Variants in AGFG1 observed in about 807,000 individuals in gnomAD.
AGFG1 encodes the protein ArfGAP with FG repeats 1, also known as arf-GAP domain and FG repeat-containing protein 1.
AGFG1 carries 10 observed loss-of-function variants against 60.6 expected under a neutral mutation model. The ratio of observed to expected loss-of-function variants is 0.16; its 90% CI spans 0.10 to 0.28. AGFG1 has a LOEUF of 0.28. AGFG1 is among the 10% of genes least tolerant of loss of function. The probability of loss-of-function intolerance (pLI) is 1.00; values close to 1 mark genes in which losing one functional copy is unlikely to be tolerated. For missense variants in AGFG1, 537 were observed against 676.5 expected (o/e 0.79, Z 2.29); for synonymous variants, 247 against 242.9 (o/e 1.02, Z -0.16).
chr2:227,544,574 C>A (rs1257411671), intron 10 of AGFG1, among the ~76,000 whole-genome samples: 3 of 152,120 alleles, frequency 2.0e-5, no homozygotes, highest in African/African-American at 7.2e-5. Flanking sequence ...TACAGTTTGG[C>A]ATGTTTTTGC....
At chr2:227,548,577 G>T (rs996001795) in intron 10 of AGFG1, among the ~76,000 whole-genome samples, 1 of 152,204 alleles carries the variant, frequency 6.6e-6, no homozygotes, top group East Asian at 1.9e-4. Flanking sequence ...GAGAAATGCT[G>T]GAATAAACAC....
intron 1 of AGFG1, among the ~76,000 whole-genome samples, chr2:227,473,651 GTA>G (rs1196870158): frequency 6.6e-6 from 1 of 152,136 alleles, no homozygotes; most frequent in Non-Finnish European, 1.5e-5. Context: ...TTATTATCTT[GTA>G]TTTAAAGTTA....
intron 2 of AGFG1, among the ~76,000 whole-genome samples, chr2:227,507,803 T>A (rs1559178433): frequency 6.6e-6 from 1 of 152,080 alleles, no homozygotes; most frequent in Non-Finnish European, 1.5e-5. Flanking sequence ...TTCAAAATAG[T>A]TTCATAACAT....
chr2:227,490,786 G>T (rs1690789441), intron 1 of AGFG1, among the ~76,000 whole-genome samples: 1 of 152,152 alleles, frequency 6.6e-6, no homozygotes, highest in South Asian at 2.1e-4. Flanking sequence ...AAATCTGTTT[G>T]AGTGCATTTC....
intron 2 of AGFG1, among the ~76,000 whole-genome samples, chr2:227,503,758 A>G (rs1174801739): frequency 1.3e-5 from 2 of 152,196 alleles, no homozygotes; most frequent in African/African-American, 4.8e-5. Flanking sequence ...TGTTTGTCAT[A>G]TTGGTTTTGA....
chr2:227,504,778 G>A (rs1230647270), intron 2 of AGFG1, among the ~76,000 whole-genome samples: 2 of 152,130 alleles, frequency 1.3e-5, no homozygotes, highest in Admixed American at 6.5e-5. Context: ...AGTTAATTCT[G>A]TATCATCAGT....
At chr2:227,480,682 C>T (rs553451301) in intron 1 of AGFG1, among the ~76,000 whole-genome samples, 1 of 152,030 alleles carries the variant, frequency 6.6e-6, no homozygotes, top group African/African-American at 2.4e-5. Flanking sequence ...GCTCTCATAC[C>T]AGAACTTTTC....
chr2:227,500,683 A>G (rs936032009), intron 2 of AGFG1, among the ~76,000 whole-genome samples: 8 of 152,236 alleles, frequency 5.3e-5, no homozygotes, highest in South Asian at 2.1e-4. Flanking sequence ...ATCTGTATCC[A>G]TTCATCAGTC....
rs957557042 is a variant in AGFG1 at position 227,535,052 on chromosome 2, C to T, written c.1205+27C>T. ...TACCTTGTCTTAGCTAGCCCTCCTGCTTTGTGTTTTATCTTTTTTTTCCAA... is the reference window on the plus strand; with the variant it reads ...TACCTTGTCTTAGCTAGCCCTCCTGTTTTGTGTTTTATCTTTTTTTTCCAA... On this transcript the variant is annotated intron_variant, in intron 8 of 12. Coordinates refer to ENST00000310078, the MANE Select transcript of AGFG1 (RefSeq NM_004504.5). 4 of 1,492,926 alleles carry T rather than the reference C, an allele frequency of 2.7e-6. No homozygotes were observed. In the African/African-American group the frequency reaches 4.3e-5, roughly 16 times the overall value. The allele number at this position is 1,492,926 out of a possible 1,614,324, so 92.5% of individuals were successfully genotyped here.
At chr2:227,502,047 C>T (rs1282152413) in intron 2 of AGFG1, among the ~76,000 whole-genome samples, 1 of 151,848 alleles carries the variant, frequency 6.6e-6, no homozygotes, top group East Asian at 1.9e-4. Context: ...TTTGTAGAGA[C>T]GAGATCTCAC....
At chr2:227,482,671 A>G (rs1324541957) in intron 1 of AGFG1, among the ~76,000 whole-genome samples, 1 of 152,256 alleles carries the variant, frequency 6.6e-6, no homozygotes, top group African/African-American at 2.4e-5. Context: ...AATAAAACTA[A>G]CTAAATAAGC....
At chr2:227,494,475 T>G (rs1690917669) in intron 2 of AGFG1, among the ~76,000 whole-genome samples, 1 of 152,204 alleles carries the variant, frequency 6.6e-6, no homozygotes, top group African/African-American at 2.4e-5. Flanking sequence ...AAGATGAGTA[T>G]TTCCAAAATT....
chr2:227,511,877 T>G (rs1691506531), intron 2 of AGFG1, among the ~76,000 whole-genome samples: 1 of 152,058 alleles, frequency 6.6e-6, no homozygotes, highest in South Asian at 2.1e-4. Context: ...TATTGTCCCT[T>G]TGGATTGGGT....
intron 1 of AGFG1, among the ~76,000 whole-genome samples, chr2:227,478,255 C>T (rs1418412836): frequency 8.0e-6 from 1 of 124,908 alleles, no homozygotes; most frequent in Non-Finnish European, 1.8e-5. Flanking sequence ...AAAAAAAATA[C>T]ATACATGCAC....
rs1168660131 is a variant in AGFG1 at position 227,559,001 on chromosome 2, G to A, written c.*4506G>A. ...TTTATATTGTTAATTCATTTAGCAA[G>A]CATTTGAACACTTGTTTATTTTTAG... On this transcript the variant is annotated 3_prime_UTR_variant, in exon 13 of 13. Transcript: ENST00000310078. The A allele has an allele frequency of 2.0e-5, 3 of 152,202 alleles. No individual in the cohort carries two copies. Among genetic ancestry groups the A allele is most frequent in the Admixed American group, 6.5e-5 (1 of 15,278 alleles). The allele number at this position is 152,202 out of a possible 1,614,324, so 9.4% of individuals were successfully genotyped here. A position where few individuals can be genotyped will look rare whatever the true frequency, so the allele number is the denominator to read the frequency against.
At chr2:227,494,188 A>G (rs1690908902) in intron 2 of AGFG1, among the ~76,000 whole-genome samples, 1 of 152,178 alleles carries the variant, frequency 6.6e-6, no homozygotes, top group Admixed American at 6.5e-5. Flanking sequence ...AGGGTGATGA[A>G]GATACGAAGT....
chr2:227,478,146 A>G lies in AGFG1; in HGVS notation c.167+5558A>G, dbSNP rs1393233727. Among the ~76,000 whole-genome samples the G allele has an allele frequency of 2.1e-5, 3 of 141,440 alleles. No individual in the cohort carries two copies. In the Admixed American group the frequency reaches 2.2e-4, roughly 10 times the overall value. The allele number at this position is 141,440 out of a possible 152,430, so 92.8% of individuals were successfully genotyped here. ...TGCCGTAATTCTCGTGCTATTTTTT[A>G]TATTTGAATTCTAATTAGAACCCCT... On this transcript the variant is annotated intron_variant, in intron 1 of 12. Coordinates refer to ENST00000310078, the MANE Select transcript of AGFG1 (RefSeq NM_004504.5).
At chr2:227,479,791 G>A (rs1690401274) in intron 1 of AGFG1, among the ~76,000 whole-genome samples, 1 of 152,182 alleles carries the variant, frequency 6.6e-6, no homozygotes, top group East Asian at 1.9e-4. Flanking sequence ...TACATTAATA[G>A]CATGTTCCTT....
rs1191898842 is a variant in AGFG1 at position 227,472,703 on chromosome 2, C to CG, written c.167+120dup. Reference sequence around the variant, plus strand: ...AGAGCCGGGTGCCGTGGGAGGCGGTCGGGGGCGGCCGTTGGGCGCCGGCTG... The same window carrying CG: ...AGAGCCGGGTGCCGTGGGAGGCGGTCGGGGGGCGGCCGTTGGGCGCCGGCTG... On this transcript the variant is annotated intron_variant, in intron 1 of 12. Transcript: ENST00000310078. The CG allele has an allele frequency of 5.6e-5, 67 of 1,196,454 alleles. 1 individual carries two copies. The East Asian group carries it at 1.4e-3, about 24-fold the overall frequency. 74.1% of individuals were successfully genotyped at this position (1,196,454 alleles called of 1,614,324 possible).
Sources: allele counts gnomAD v4.1 joint callset (sites outside exome capture counted in the v4.1 genomes callset), GRCh38; gene constraint gnomAD v4.1.1; transcripts MANE v1.5; gene names NCBI Gene and HGNC (gene_info 2026-07-23, HGNC 2026-07-21).